TENM3: variants seen among roughly 807,000 people sequenced by gnomAD.
TENM3 encodes teneurin-3.
TENM3 carries 63 observed loss-of-function variants against 255.1 expected under a neutral mutation model. That is an observed-to-expected ratio of 0.25 (90% confidence interval 0.20 to 0.30). The LOEUF is 0.30. Among genes scored for constraint, TENM3 ranks in the 10% least tolerant of loss-of-function variants. The pLI is 1.00. For synonymous variants in TENM3, 1,306 were observed against 1,322.3 expected, an observed-to-expected ratio of 0.99 and a Z score of 0.27; for missense variants, 2,929 against 3,461.1, an observed-to-expected ratio of 0.85 and a Z score of 3.86.
chr4:182,197,401 A>G (rs367738865), intron 1 of TENM3, among the ~76,000 whole-genome samples: 5 of 152,198 alleles, frequency 3.3e-5, no homozygotes, highest in Non-Finnish European at 7.3e-5. Flanking sequence ...TCCACTCCCA[A>G]TTTAACAAAA....
At chr4:182,535,695 G>C (rs59700174) in intron 3 of TENM3, among the ~76,000 whole-genome samples, 4 of 151,120 alleles carry the variant, frequency 2.6e-5, no homozygotes, top group Non-Finnish European at 5.9e-5. Context: ...AGCTATGATC[G>C]CGCCACTGCA....
At chr4:182,214,356 C>T (rs1236103842) in intron 1 of TENM3, among the ~76,000 whole-genome samples, 3 of 152,062 alleles carry the variant, frequency 2.0e-5, no homozygotes, top group Admixed American at 6.6e-5. Context: ...ATCTATAGTT[C>T]AGTGATATCC....
the TENM3 span, among the ~76,000 whole-genome samples, chr4:181,817,355 C>A: frequency 6.6e-6 from 1 of 152,136 alleles, no homozygotes; most frequent in Non-Finnish European, 1.5e-5. Context: ...CCAATAGCAA[C>A]CTCCCTACCT....
the TENM3 span, among the ~76,000 whole-genome samples, chr4:181,692,002 A>G: frequency 2.6e-5 from 4 of 152,294 alleles, no homozygotes; most frequent in South Asian, 8.3e-4. Flanking sequence ...CATTGTTGAC[A>G]TTCCCTTGTT....
chr4:181,562,066 G>A, the TENM3 span, among the ~76,000 whole-genome samples: 4 of 152,040 alleles, frequency 2.6e-5, no homozygotes, highest in South Asian at 2.1e-4. Flanking sequence ...TCATTTTTAC[G>A]GATTAAGAGT....
At chr4:181,649,648 G>A in the TENM3 span, among the ~76,000 whole-genome samples, 2 of 152,184 alleles carry the variant, frequency 1.3e-5, no homozygotes, top group African/African-American at 2.4e-5. Context: ...AAAAGGAAGG[G>A]AAAGACCTAA....
the TENM3 span, among the ~76,000 whole-genome samples, chr4:181,498,293 T>TG: frequency 3.3e-5 from 5 of 152,094 alleles, no homozygotes; most frequent in Non-Finnish European, 7.4e-5. Flanking sequence ...GTCAAGTGTG[T>TG]GAAAAAAAAG....
At chr4:182,598,270 A>G (rs1297618072) in intron 3 of TENM3, among the ~76,000 whole-genome samples, 1 of 152,176 alleles carries the variant, frequency 6.6e-6, no homozygotes, top group Admixed American at 6.5e-5. Flanking sequence ...ACCAAATTTT[A>G]GATTGAACCT....
the TENM3 span, among the ~76,000 whole-genome samples, chr4:181,930,030 A>G: frequency 6.6e-6 from 1 of 152,316 alleles, no homozygotes; most frequent in East Asian, 1.9e-4. Flanking sequence ...AGCAGTGTTT[A>G]GAGGGAAATT....
the TENM3 span, among the ~76,000 whole-genome samples, chr4:181,992,852 C>A: frequency 6.6e-6 from 1 of 152,020 alleles, no homozygotes; most frequent in South Asian, 2.1e-4. Context: ...TGCCTTTATA[C>A]CCAGAACTTC....
At chr4:182,731,694 G>GGTGTGTGTGT (rs70956536) in intron 16 of TENM3, among the ~76,000 whole-genome samples, 8 of 124,762 alleles carry the variant, frequency 6.4e-5, no homozygotes, top group Admixed American at 1.6e-4. Flanking sequence ...TGGGTGTTGG[G>GGTGTGTGTGT]GTGTGTGTGT....
chr4:181,638,401 G>T, the TENM3 span, among the ~76,000 whole-genome samples: 2 of 152,136 alleles, frequency 1.3e-5, no homozygotes, highest in Non-Finnish European at 2.9e-5. Flanking sequence ...AATACTTAAT[G>T]CCCCCCTGTG....
the TENM3 span, among the ~76,000 whole-genome samples, chr4:182,122,222 G>A: frequency 6.6e-6 from 1 of 152,134 alleles, no homozygotes; most frequent in Non-Finnish European, 1.5e-5. Context: ...AGTCATCCAT[G>A]AGGGTTGGAA....
rs541977551 is a variant in TENM3, at chr4:182,260,821, A to T, written c.-76+17345A>T. On this transcript the variant is annotated intron_variant, in intron 1 of 27. Coordinates refer to ENST00000511685, the MANE Select transcript of TENM3 (RefSeq NM_001080477.4). Reference sequence around the variant, plus strand: ...CATCAGTTAGTGAACTGTAACAGTTATCCCAATGCCAGGAAATAGCAAATA... The same window carrying T: ...CATCAGTTAGTGAACTGTAACAGTTTTCCCAATGCCAGGAAATAGCAAATA... 2.0e-5 allele frequency among the ~76,000 whole-genome samples: 3 copies of T among 152,338 alleles called. No homozygotes were observed. The East Asian group carries it at 5.8e-4, about 29-fold the overall frequency.
chr4:182,726,313 A>G (rs1392028541), intron 13 of TENM3, among the ~76,000 whole-genome samples: 1 of 152,038 alleles, frequency 6.6e-6, no homozygotes, highest in Non-Finnish European at 1.5e-5. Context: ...GAATTCAAAC[A>G]GACTTAAGGA....
chr4:181,762,882 G>A, the TENM3 span, among the ~76,000 whole-genome samples: 1 of 150,174 alleles, frequency 6.7e-6, no homozygotes. Flanking sequence ...TTACGTGGAA[G>A]ACTTTTTACA....
chr4:181,980,219 G>T, the TENM3 span: 1 of 152,160 alleles, frequency 6.6e-6, no homozygotes, highest in Admixed American at 6.5e-5. Context: ...TGTGGGTAAG[G>T]TGATCTCTCA....
intron 3 of TENM3, among the ~76,000 whole-genome samples, chr4:182,561,337 A>G (rs1050962112): frequency 2.0e-5 from 3 of 151,808 alleles, no homozygotes; most frequent in Non-Finnish European, 1.5e-5. Flanking sequence ...AATTTTTAAA[A>G]TCCCTCCGAA....
intron 15 of TENM3, 22 bp downstream of exon 15, chr4:182,730,341 A>G (rs1408885996): frequency 6.2e-7 from 1 of 1,612,192 alleles, no homozygotes; most frequent in Admixed American, 1.7e-5. Context: ...CCATCACACT[A>G]TCTCTGAAGG....
Sources: allele counts gnomAD v4.1 joint callset (sites outside exome capture counted in the v4.1 genomes callset), GRCh38; gene constraint gnomAD v4.1.1; transcripts MANE v1.5; gene names NCBI Gene and HGNC (gene_info 2026-07-23, HGNC 2026-07-21).